IGSF10: variants seen among roughly 807,000 people sequenced by gnomAD.
The protein encoded by IGSF10 is immunoglobulin superfamily member 10, also known as calvaria mechanical force protein 608.
In IGSF10, 126 loss-of-function variants were observed where a neutral mutation model predicts 128.2. The observed-to-expected ratio is 0.98, with a 90% CI of 0.85 to 1.14. The LOEUF (loss-of-function observed/expected upper bound fraction) is 1.14. Among genes scored for constraint, IGSF10 ranks in the 50% most tolerant of loss-of-function variants. The pLI, the probability that IGSF10 is intolerant of heterozygous loss-of-function variation, is 0.00. For synonymous variants in IGSF10, 1,185 were observed against 1,146.2 expected (o/e 1.03, Z -0.68); for missense variants, 3,295 against 3,149.8 (o/e 1.05, Z -1.10).
chr3:151,460,404 CT>C, intron 1 of IGSF10, 57 bp from the exon 2 acceptor site: 2 of 546,188 alleles, frequency 3.7e-6, no homozygotes, highest in Non-Finnish European at 4.7e-6. Flanking sequence ...TTCTTTTTGG[CT>C]TACAGCCAGG....
chr3:151,525,707 C>G, the IGSF10 span, among the ~76,000 whole-genome samples: 1 of 152,262 alleles, frequency 6.6e-6, no homozygotes, highest in African/African-American at 2.4e-5. Flanking sequence ...GCATCCTTAC[C>G]ACATGCCCCA....
At chr3:151,548,658 A>C in the IGSF10 span, among the ~76,000 whole-genome samples, 1 of 152,222 alleles carries the variant, frequency 6.6e-6, no homozygotes, top group South Asian at 2.1e-4. Flanking sequence ...CAACCCTTTC[A>C]ATGTGAAAAT....
At chr3:151,609,500 C>T in the IGSF10 span, among the ~76,000 whole-genome samples, 2 of 151,948 alleles carry the variant, frequency 1.3e-5, no homozygotes, top group South Asian at 4.1e-4. Context: ...TCAGTATATA[C>T]CCAAAGGAAA....
At chr3:151,438,852 GTATA>G (rs368977751) in intron 7 of IGSF10, among the ~76,000 whole-genome samples, 3 of 83,870 alleles carry the variant, frequency 3.6e-5, no homozygotes, top group East Asian at 2.5e-4. Flanking sequence ...ACATTTTGAG[GTATA>G]TATATATATA....
chr3:151,440,290 A>G (rs565126125), intron 7 of IGSF10, among the ~76,000 whole-genome samples: 110 of 152,342 alleles, frequency 7.2e-4, no homozygotes, highest in African/African-American at 2.5e-3. Context: ...TTGGTCTCCC[A>G]AAGTGCTGGA....
chr3:151,453,479 T>C lies in IGSF10; in HGVS notation c.620A>G (p.Tyr207Cys), dbSNP rs746021056. 121 of 1,613,992 alleles carry C rather than the reference T, an allele frequency of 7.5e-5. No individual in the cohort carries two copies. Among genetic ancestry groups the C allele is most frequent in the Admixed American group, 4.5e-4 (27 of 60,022 alleles). Residue 207 changes from tyrosine (Y) to cysteine (C), a missense_variant, in exon 5 of 8, where the codon TAT (tyrosine) becomes TGT (cysteine). Coordinates refer to ENST00000282466, the MANE Select transcript of IGSF10 (RefSeq NM_178822.5). ...LTSLPQEMVS[Y>C]MPDLDSLYLH... ...GTAAAGGCTGTCTAGGTCAGGCATATAGGAGACCATCTCTTGAGGGAGGGA... is the reference window on the plus strand; with the variant it reads ...GTAAAGGCTGTCTAGGTCAGGCATACAGGAGACCATCTCTTGAGGGAGGGA...
chr3:151,541,383 A>G, the IGSF10 span, among the ~76,000 whole-genome samples: 2 of 152,212 alleles, frequency 1.3e-5, no homozygotes, highest in Non-Finnish European at 2.9e-5. Flanking sequence ...CAAAAAAATC[A>G]TATTTTAGAA....
chr3:151,448,612 G>C lies in IGSF10; in HGVS notation c.1369C>G (p.Gln457Glu). 1 of 1,613,870 alleles carries C rather than the reference G, an allele frequency of 6.2e-7. No homozygotes were observed. The highest frequency in any genetic ancestry group is 1.1e-5 in the South Asian group (1 of 91,080). Residue 457 changes from glutamine (Q) to glutamate (E), a missense_variant, in exon 6 of 8, where the codon CAA (glutamine) becomes GAA (glutamate). By Grantham distance (29) the Gln-to-Glu change is conservative. Transcript: ENST00000282466. ...ATCTCTGCTCTTGGTAAAGTGATTT[G>C]AGCATCACTGGAGTACTGGATCTGT... ...TLQIQYSSDA[Q>E]ITLPRAEMRP...
In IGSF10 at chr3:151,437,023, C is replaced by T; in HGVS notation, c.7538G>A (p.Gly2513Asp). 3.7e-6 allele frequency: 6 copies of T among 1,614,182 alleles called. No homozygotes were observed. Among genetic ancestry groups the T allele is most frequent in the Non-Finnish European group, 5.1e-6 (6 of 1,180,032 alleles). ...TACTGGAACAGTAATCAGTGTATGA[C>T]CAACACTATTTTGAGCCTTACAGAT... ...NYICKAQNSV[G>D]HTLITVPVMI... The change falls in exon 8 of 8, where the codon GGT becomes GAT. Residue 2513 changes from glycine to aspartate, a missense_variant. Coordinates refer to ENST00000282466, the MANE Select transcript of IGSF10 (RefSeq NM_178822.5).
At chr3:151,463,523 G>GTTTTTTTTTTTTGTTTTTTTTTTTTTT (rs1553837067), upstream of IGSF10, among the ~76,000 whole-genome samples, 10 of 31,274 alleles carry the variant, frequency 3.2e-4, 2 homozygotes, top group African/African-American at 7.4e-4. Context: ...ACATTTTCTG[G>GTTTTTTTTTTTTGTTTTTTTTTTTTTT]TTTTTTTTTT....
chr3:151,439,404 G>A (rs529596100), intron 7 of IGSF10, among the ~76,000 whole-genome samples: 3 of 152,346 alleles, frequency 2.0e-5, no homozygotes, highest in Admixed American at 6.5e-5. Flanking sequence ...CTTGAGGGCA[G>A]GAGTTTGAGA....
chr3:151,473,326 C>A, the IGSF10 span, among the ~76,000 whole-genome samples: 1 of 152,274 alleles, frequency 6.6e-6, no homozygotes, highest in Admixed American at 6.5e-5. Flanking sequence ...GTGAGAATCA[C>A]CCTGAGACTC....
the IGSF10 span, among the ~76,000 whole-genome samples, chr3:151,524,569 C>T: frequency 1.3e-5 from 2 of 152,052 alleles, no homozygotes; most frequent in Non-Finnish European, 2.9e-5. Flanking sequence ...TAAGTGGGAG[C>T]TAAATGATGA....
At chr3:151,524,608 C>G in the IGSF10 span, among the ~76,000 whole-genome samples, 1,101 of 152,186 alleles carry the variant, frequency 7.2e-3, 15 homozygotes, top group African/African-American at 0.025. Flanking sequence ...AAGGAAACAA[C>G]AGACACTGTG....
the IGSF10 span, among the ~76,000 whole-genome samples, chr3:151,547,429 T>C: frequency 0.49 from 71,120 of 146,298 alleles, 17,411 homozygotes; most frequent in South Asian, 0.6. Flanking sequence ...AATATATATA[T>C]ACACACACAC....
At chr3:151,541,685 AC>A in the IGSF10 span, among the ~76,000 whole-genome samples, 5 of 152,050 alleles carry the variant, frequency 3.3e-5, no homozygotes, top group Non-Finnish European at 7.4e-5. Context: ...TCTTACTAAT[AC>A]CTCCTCATGT....
At chr3:151,591,225 A>ATTTTTTTTTTTTTTTTTTT in the IGSF10 span, among the ~76,000 whole-genome samples, 1 of 151,498 alleles carries the variant, frequency 6.6e-6, no homozygotes, top group African/African-American at 2.4e-5. Flanking sequence ...TTTTTCTATA[A>ATTTTTTTTTTTTTTTTTTT]TTTATTTATG....
chr3:151,441,680 G>T (rs552506474), intron 7 of IGSF10, among the ~76,000 whole-genome samples: 1 of 152,174 alleles, frequency 6.6e-6, no homozygotes, highest in Non-Finnish European at 1.5e-5. Flanking sequence ...AAACCATTGT[G>T]TAAAGTCATG....
the IGSF10 span, among the ~76,000 whole-genome samples, chr3:151,599,809 A>C: frequency 6.6e-6 from 1 of 152,198 alleles, no homozygotes; most frequent in African/African-American, 2.4e-5. Flanking sequence ...ATGGCCCTCA[A>C]AGCCTAAAAT....
Sources: gnomAD v4.1 joint callset for allele counts (sites outside exome capture counted in the v4.1 genomes callset) on GRCh38, gnomAD v4.1.1 for gene constraint, MANE v1.5 for transcripts, NCBI Gene and HGNC (gene_info 2026-07-23, HGNC 2026-07-21) for gene names.